Variants in PKD2L1 observed in about 807,000 individuals in gnomAD.
PKD2L1 encodes polycystin-2-like protein 1.
A neutral mutation model predicts 93.0 loss-of-function variants in PKD2L1; 77 were observed. That is an observed-to-expected ratio of 0.83 (90% CI 0.69 to 1.00). The LOEUF is 1.00. PKD2L1 is among the 50% of genes least tolerant of loss of function. The probability of loss-of-function intolerance (pLI) is 0.00; values close to 1 mark genes in which losing one functional copy is unlikely to be tolerated. For missense variants in PKD2L1, 977 were observed against 990.9 expected, an observed-to-expected ratio of 0.99 and a Z score of 0.19; for synonymous variants, 390 against 388.0, an observed-to-expected ratio of 1.01 and a Z score of -0.06.
At chr10:100,304,294 G>A (rs919555128) in intron 2 of PKD2L1, among the ~76,000 whole-genome samples, 2 of 152,234 alleles carry the variant, frequency 1.3e-5, no homozygotes, top group African/African-American at 2.4e-5. Flanking sequence ...CATGAGATGA[G>A]GGGTACTTTC....
intron 2 of PKD2L1, among the ~76,000 whole-genome samples, chr10:100,308,440 T>G (rs1848856260): frequency 6.6e-6 from 1 of 151,890 alleles, no homozygotes; most frequent in African/African-American, 2.4e-5. Context: ...GTTCAAGCAA[T>G]TCTCCTGCTT....
At chr10:100,301,841 G>A (rs1286631153) in intron 2 of PKD2L1, among the ~76,000 whole-genome samples, 3 of 152,192 alleles carry the variant, frequency 2.0e-5, no homozygotes, top group African/African-American at 7.2e-5. Flanking sequence ...AAATGTCCAT[G>A]AAATCTTCAC....
chr10:100,289,033 G>T lies in PKD2L1; in HGVS notation c.2274C>A (p.His758Gln). 1 of 1,613,074 alleles carries T rather than the reference G, an allele frequency of 6.2e-7. No individual in the cohort carries two copies. Residue 758 changes from histidine (H) to glutamine (Q), a missense_variant, in exon 15 of 16, where the codon CAC (histidine) becomes CAA (glutamine). By Grantham distance (24) the His-to-Gln change is conservative (BLOSUM62 0). Transcript: ENST00000318222. ...GGGTCACAGCTGGGGCTGGCTGCGG[G>T]TGCTTCCAAATAGCTTGTTCCTTCT... ...PGVKEQAIWK[H>Q]PQPAPAVTPD...
chr10:100,298,909 G>T, intron 3 of PKD2L1, 94 bp from the exon 4 acceptor site: 2 of 1,115,356 alleles, frequency 1.8e-6, no homozygotes, highest in Non-Finnish European at 2.5e-6. Context: ...TCCCCAGCTT[G>T]TCTCCAGTCT....
At chr10:100,302,280 C>CACACACAT (rs1554916598) in intron 2 of PKD2L1, among the ~76,000 whole-genome samples, 1,976 of 150,818 alleles carry the variant, frequency 0.013, 25 homozygotes, top group African/African-American at 0.019. Flanking sequence ...CACACACACA[C>CACACACAT]ATATCAATTA....
intron 2 of PKD2L1, among the ~76,000 whole-genome samples, chr10:100,300,340 C>G (rs1292539545): frequency 6.6e-6 from 1 of 152,054 alleles, no homozygotes; most frequent in Non-Finnish European, 1.5e-5. Context: ...CAAAAAAGAC[C>G]TAGGAGCAAT....
intron 2 of PKD2L1, among the ~76,000 whole-genome samples, chr10:100,299,946 G>A (rs1040405775): frequency 1.3e-5 from 2 of 152,140 alleles, no homozygotes; most frequent in South Asian, 2.1e-4. Context: ...ACCCACCTCA[G>A]AAAGACTGAA....
intron 9 of PKD2L1, 96 bp downstream of exon 9, chr10:100,294,439 T>C: frequency 7.4e-7 from 1 of 1,345,500 alleles, no homozygotes; most frequent in Non-Finnish European, 1.1e-6. Flanking sequence ...CCATCCTTGA[T>C]TTGAGAAACT....
chr10:100,307,104 C>G (rs1187395758), intron 2 of PKD2L1, among the ~76,000 whole-genome samples: 1 of 152,056 alleles, frequency 6.6e-6, no homozygotes, highest in Non-Finnish European at 1.5e-5. Flanking sequence ...TTCTCCAAAT[C>G]AGGAGAAAGA....
chr10:100,309,505 C>T (rs2133556970), intron 2 of PKD2L1, among the ~76,000 whole-genome samples: 1 of 152,298 alleles, frequency 6.6e-6, no homozygotes, highest in Admixed American at 6.5e-5. Context: ...CTGTTCCCTC[C>T]TCTCTTGGCT....
chr10:100,321,731 GAAAGAAAGAAAGAAAGAAAGAAAGA>G (rs1849242748), intron 2 of PKD2L1, among the ~76,000 whole-genome samples: 6 of 8,804 alleles, frequency 6.8e-4, no homozygotes, highest in South Asian at 8.8e-3. Context: ...AAGAAAGAAA[GAAAGAAAGAAAGAAAGAAAGAAAGA>G]AGGGAGGGAG....
intron 2 of PKD2L1, among the ~76,000 whole-genome samples, chr10:100,318,762 A>C (rs1278082216): frequency 6.7e-6 from 1 of 150,266 alleles, no homozygotes; most frequent in South Asian, 2.1e-4. Context: ...CTCGTGATCC[A>C]CCCACCTTGG....
At chr10:100,328,950 G>A (rs904024064) in intron 2 of PKD2L1, among the ~76,000 whole-genome samples, 2 of 152,112 alleles carry the variant, frequency 1.3e-5, no homozygotes, top group Non-Finnish European at 2.9e-5. Context: ...AGAAAACAAT[G>A]GCTGCCAAAA....
At position 100,295,089 on chromosome 10, in the gene PKD2L1, G is replaced by T. The variant is rs767620108; in HGVS notation, c.1391C>A (p.Thr464Asn). The change falls in exon 8 of 16, where the codon ACC becomes AAC. Residue 464 changes from threonine to asparagine, a missense_variant. By Grantham distance (65) the Thr-to-Asn change is moderately conservative. Transcript: ENST00000318222. ...FKYISFNKTM[T>N]QLSSTLARCA... The stretch of plus-strand genomic sequence containing the variant: ...GCGGGCCAGCGTGGAGGAGAGCTGG[G>T]TCATGGTTTTGTTGAAGCTGATGTA... 1.2e-5 allele frequency: 20 copies of T among 1,614,008 alleles called. No homozygotes were observed. Among genetic ancestry groups the T allele is most frequent in the African/African-American group, 2.7e-5 (2 of 74,920 alleles).
chr10:100,293,131 G>A, intron 10 of PKD2L1, 62 bp from the exon 11 acceptor site: 1 of 1,595,138 alleles, frequency 6.3e-7, no homozygotes, highest in Non-Finnish European at 8.6e-7. Context: ...CTGGCCCCCA[G>A]CCCCACCCAT....
intron 2 of PKD2L1, among the ~76,000 whole-genome samples, chr10:100,302,471 C>T (rs187120390): frequency 1.1e-3 from 169 of 151,558 alleles, no homozygotes; most frequent in Non-Finnish European, 2.1e-3. Flanking sequence ...TGGAGGTGGG[C>T]GGATCACTTG....
chr10:100,314,448 G>A (rs766090677), intron 2 of PKD2L1, among the ~76,000 whole-genome samples: 1 of 152,242 alleles, frequency 6.6e-6, no homozygotes, highest in South Asian at 2.1e-4. Flanking sequence ...AAGCAGGCAC[G>A]GGGACAGCCA....
intron 2 of PKD2L1, among the ~76,000 whole-genome samples, chr10:100,303,052 G>A (rs2862985): frequency 0.12 from 18,497 of 152,230 alleles, 1,160 homozygotes; most frequent in Admixed American, 0.15. Context: ...GGAGGATGGG[G>A]AAAGAGAGAA....
At chr10:100,290,626 T>TG in intron 12 of PKD2L1, 107 bp from the exon 13 acceptor site, 1 of 695,248 alleles carries the variant, frequency 1.4e-6, no homozygotes, top group Non-Finnish European at 2.5e-6. Flanking sequence ...GCTCAGGTCC[T>TG]AGTTCTTGCT....
Sources: gnomAD v4.1 joint callset for allele counts (sites outside exome capture counted in the v4.1 genomes callset) on GRCh38, gnomAD v4.1.1 for gene constraint, MANE v1.5 for transcripts, NCBI Gene and HGNC (gene_info 2026-07-23, HGNC 2026-07-21) for gene names.